ZNF514: variants seen among roughly 807,000 people sequenced by gnomAD.
ZNF514 encodes the protein zinc finger protein 514.
ZNF514 carries 12 observed loss-of-function variants against 9.7 expected under a neutral mutation model. The observed-to-expected ratio is 1.24, with a 90% CI of 0.79 to 2.01. The LOEUF is 2.01. Among genes scored for constraint, ZNF514 ranks in the 30% most tolerant of loss-of-function variants. The probability of loss-of-function intolerance (pLI) is 0.00; values close to 1 mark genes in which losing one functional copy is unlikely to be tolerated. For synonymous variants in ZNF514, 158 were observed against 163.7 expected, an observed-to-expected ratio of 0.97 and a Z score of 0.27; for missense variants, 467 against 465.5, an observed-to-expected ratio of 1.00 and a Z score of -0.03.
intron 4 of ZNF514, among the ~76,000 whole-genome samples, chr2:95,151,162 G>A (rs1673527563): frequency 6.6e-6 from 1 of 152,176 alleles, no homozygotes; most frequent in Non-Finnish European, 1.5e-5. Flanking sequence ...TGACAAAAGG[G>A]ACTTTGCAGA....
At chr2:95,127,414 C>T in the ZNF514 span, among the ~76,000 whole-genome samples, 10 of 152,174 alleles carry the variant, frequency 6.6e-5, no homozygotes, top group African/African-American at 2.2e-4. Context: ...AAGGTCAACA[C>T]CAAAGGTCCT....
At position 95,159,340 on chromosome 2, in the gene ZNF514, C is replaced by T. The variant is rs1355638327; in HGVS notation, c.-196G>A. ...GACTACCAGGAGACACGGCCACAGC[C>T]ACGCCCGCGACGCGAGGGCCCAGCG... On this transcript the variant is annotated 5_prime_UTR_variant, in exon 1 of 5. Transcript: ENST00000295208. The T allele has an allele frequency of 3.6e-5, 6 of 164,598 alleles. No individual in the cohort carries two copies. The highest frequency in any genetic ancestry group is 3.0e-4 in the South Asian group (2 of 6,596). The allele number at this position is 164,598 out of a possible 1,614,324, so 10.2% of individuals were successfully genotyped here.
the ZNF514 span, among the ~76,000 whole-genome samples, chr2:95,128,309 G>T: frequency 2.0e-5 from 3 of 150,892 alleles, no homozygotes; most frequent in Admixed American, 2.0e-4. Flanking sequence ...AGAATCACTT[G>T]AACCTGGGAG....
downstream of ZNF514, among the ~76,000 whole-genome samples, chr2:95,143,714 G>A (rs1673298915): frequency 6.6e-6 from 1 of 152,174 alleles, no homozygotes. Context: ...TTTCCTGAGG[G>A]ATACAAGTGC....
At chr2:95,156,574 A>G (rs1477465334) in intron 2 of ZNF514, among the ~76,000 whole-genome samples, 2 of 152,224 alleles carry the variant, frequency 1.3e-5, no homozygotes, top group Non-Finnish European at 2.9e-5. Flanking sequence ...AATGGTAACC[A>G]TTTATGGGAA....
downstream of ZNF514, among the ~76,000 whole-genome samples, chr2:95,143,771 A>G (rs558809950): frequency 1.3e-5 from 2 of 152,276 alleles, no homozygotes; most frequent in African/African-American, 4.8e-5. Flanking sequence ...TTCAGTCAGG[A>G]TGGTGGGGAA....
At chr2:95,135,931 G>A in the ZNF514 span, among the ~76,000 whole-genome samples, 30 of 151,894 alleles carry the variant, frequency 2.0e-4, no homozygotes, top group Admixed American at 3.9e-4. Flanking sequence ...TTAGCCATGC[G>A]TGGTGGCCTG....
chr2:95,140,659 T>C (rs1307905147), downstream of ZNF514, among the ~76,000 whole-genome samples: 1 of 151,076 alleles, frequency 6.6e-6, no homozygotes, highest in Admixed American at 6.6e-5. Context: ...GGAGCTAAAC[T>C]ATGAGGACAC....
intron 1 of ZNF514, 58 bp downstream of exon 1, chr2:95,159,182 A>G: frequency 3.0e-6 from 1 of 336,448 alleles, no homozygotes. Context: ...CGGTGCGCCC[A>G]GCGCGGCGCA....
At chr2:95,144,835 A>G (rs1573372197), downstream of ZNF514, among the ~76,000 whole-genome samples, 1 of 152,136 alleles carries the variant, frequency 6.6e-6, no homozygotes, top group South Asian at 2.1e-4. Flanking sequence ...TAACACATGA[A>G]ATTTGGCTTA....
At chr2:95,132,169 AACAG>A in the ZNF514 span, among the ~76,000 whole-genome samples, 8 of 151,310 alleles carry the variant, frequency 5.3e-5, no homozygotes, top group Non-Finnish European at 1.0e-4. Flanking sequence ...AAAAAAAAAA[AACAG>A]AGAGAGAAAA....
At chr2:95,136,139 T>G in the ZNF514 span, among the ~76,000 whole-genome samples, 53 of 152,352 alleles carry the variant, frequency 3.5e-4, no homozygotes, top group African/African-American at 1.2e-3. Flanking sequence ...CCAGCAATGT[T>G]GCTAAACTCA....
intron 4 of ZNF514, among the ~76,000 whole-genome samples, chr2:95,151,446 A>T (rs1673542029): frequency 1.3e-5 from 2 of 152,146 alleles, no homozygotes; most frequent in Non-Finnish European, 2.9e-5. Flanking sequence ...CAACAACCCA[A>T]ATGAAAAGAA....
At chr2:95,134,844 G>C in the ZNF514 span, among the ~76,000 whole-genome samples, 1 of 152,180 alleles carries the variant, frequency 6.6e-6, no homozygotes, top group Non-Finnish European at 1.5e-5. Flanking sequence ...TTGTTGAAAA[G>C]ACTATTCCTT....
chr2:95,127,854 C>T, the ZNF514 span, among the ~76,000 whole-genome samples: 1 of 152,110 alleles, frequency 6.6e-6, no homozygotes, highest in Non-Finnish European at 1.5e-5. Context: ...GGTAAGCCAC[C>T]TGCCTCGGCC....
intron 4 of ZNF514, 51 bp from the exon 5 acceptor site, chr2:95,150,318 C>G (rs759480021): frequency 6.7e-7 from 1 of 1,482,118 alleles, no homozygotes; most frequent in Non-Finnish European, 8.9e-7. Flanking sequence ...GTAGAATGTC[C>G]TATGTAGCAA....
chr2:95,124,854 T>C, the ZNF514 span, among the ~76,000 whole-genome samples: 1 of 151,882 alleles, frequency 6.6e-6, no homozygotes, highest in Non-Finnish European at 1.5e-5. Context: ...CATTCATGTA[T>C]GTGATTTTTT....
chr2:95,143,829 G>A (rs1466896673), downstream of ZNF514, among the ~76,000 whole-genome samples: 4 of 152,180 alleles, frequency 2.6e-5, no homozygotes, highest in Non-Finnish European at 5.9e-5. Flanking sequence ...GCTTGCTCCA[G>A]TAATAAACTT....
At chr2:95,158,315 G>A (rs923557800) in intron 1 of ZNF514, among the ~76,000 whole-genome samples, 1 of 152,184 alleles carries the variant, frequency 6.6e-6, no homozygotes, top group Admixed American at 6.5e-5. Context: ...CCCACGGACT[G>A]GGCCCAGTTC....
Sources: gnomAD v4.1 joint callset for allele counts (sites outside exome capture counted in the v4.1 genomes callset) on GRCh38, gnomAD v4.1.1 for gene constraint, MANE v1.5 for transcripts, NCBI Gene and HGNC (gene_info 2026-07-23, HGNC 2026-07-21) for gene names.